SCN9A: variants seen among roughly 807,000 people sequenced by gnomAD.
The protein encoded by SCN9A is sodium voltage-gated channel alpha subunit 9.
In SCN9A, 131 loss-of-function variants were observed where a neutral mutation model predicts 187.0. That is an observed-to-expected ratio of 0.70 (90% confidence interval 0.61 to 0.81). The LOEUF (loss-of-function observed/expected upper bound fraction) is 0.81, where lower values mean the gene tolerates loss of function less well. Ranked by LOEUF, SCN9A falls within the 30% of genes least tolerant of loss-of-function variation. The probability of loss-of-function intolerance (pLI) is 0.00; values close to 1 mark genes in which losing one functional copy is unlikely to be tolerated. For missense variants in SCN9A, 2,252 were observed against 2,396.6 expected (o/e 0.94, Z 1.26); for synonymous variants, 809 against 808.6 (o/e 1.00, Z -0.01).
At chr2:166,345,469 G>A (rs948855335) in intron 1 of SCN9A, among the ~76,000 whole-genome samples, 6 of 151,802 alleles carry the variant, frequency 4.0e-5, no homozygotes, top group African/African-American at 4.8e-5. Context: ...GCTTATATCC[G>A]CCTCTTTTGA....
intron 1 of SCN9A, among the ~76,000 whole-genome samples, chr2:166,325,212 GC>G (rs1205193926): frequency 1.3e-5 from 2 of 152,026 alleles, no homozygotes; most frequent in Non-Finnish European, 2.9e-5. Flanking sequence ...TCAGGTAAAT[GC>G]ATTGCCATTA....
intron 24 of SCN9A, among the ~76,000 whole-genome samples, chr2:166,221,000 C>T (rs1028855959): frequency 1.3e-5 from 2 of 152,010 alleles, no homozygotes; most frequent in Non-Finnish European, 2.9e-5. Context: ...AAATCACCTG[C>T]GTTTCTATAC....
intron 1 of SCN9A, among the ~76,000 whole-genome samples, chr2:166,334,855 C>T (rs1699590215): frequency 6.6e-6 from 1 of 152,110 alleles, no homozygotes; most frequent in Non-Finnish European, 1.5e-5. Flanking sequence ...GTATGATATA[C>T]AAAGTGGAAG....
Position 166,334,192 on chromosome 2 carries a change from G to A in SCN9A, c.-50-22386C>T, listed in dbSNP as rs75608447. 9.2e-3 allele frequency among the ~76,000 whole-genome samples: 1,401 copies of A among 152,194 alleles called. 32 individuals carry two copies. Among genetic ancestry groups the A allele is most frequent in the African/African-American group, 0.031 (1,272 of 41,562 alleles). On this transcript the variant is annotated intron_variant, in intron 1 of 26. Transcript: ENST00000642356. Reference sequence around the variant, plus strand: ...CAACTGCATCTATTAAAGAGAGCCAGTGAATTTTAAAATGTGAAAGAACTG... The same window carrying A: ...CAACTGCATCTATTAAAGAGAGCCAATGAATTTTAAAATGTGAAAGAACTG...
At position 166,284,635 on chromosome 2, in the gene SCN9A, G is replaced by A. The variant is rs200065703; in HGVS notation, c.1792C>T (p.Arg598Cys). ...LFVPHRPQER[R>C]SSNISQASRS... ...CTGGCTTGGCTGATGTTACTGCTGC[G>A]TCGCTCCTGGGGTCTGTGGGGCACA... Residue 598 changes from arginine (R) to cysteine (C), a missense_variant, in exon 12 of 27, where the codon CGC becomes TGC. Arg to Cys is a radical substitution (Grantham distance 180). Coordinates refer to ENST00000642356, the MANE Select transcript of SCN9A (RefSeq NM_001365536.1). 2.0e-5 allele frequency: 32 copies of A among 1,613,868 alleles called. 1 individual carries two copies. Among genetic ancestry groups the A allele is most frequent in the Non-Finnish European group, 2.4e-5 (28 of 1,179,886 alleles).
rs1698974962 is a variant in SCN9A at position 166,311,898 on chromosome 2, GTTTCAACTACA to G, written c.-50-103_-50-93del. 1.8e-5 allele frequency: 12 copies of G among 684,328 alleles called. No individual in the cohort carries two copies. The South Asian group carries it at 3.6e-4, about 20-fold the overall frequency. 42.4% of individuals were successfully genotyped at this position (684,328 alleles called of 1,614,324 possible). The stretch of plus-strand genomic sequence containing the variant: ...TAATAACAACATAAACAGATTTTTA[GTTTCAACTACA>G]AAAGGTAACATGTTCTAGAATTATC... On this transcript the variant is annotated intron_variant, in intron 1 of 26. Transcript: ENST00000642356.
At position 166,278,179 on chromosome 2, in the gene SCN9A, T is replaced by G; in HGVS notation, c.2478A>C (p.Ala826=). Residue 826 remains alanine (A), a synonymous_variant, in exon 15 of 27, where the codon GCA becomes GCC. Coordinates refer to ENST00000642356, the MANE Select transcript of SCN9A (RefSeq NM_001365536.1). ...VTLSLVELFL[A]DVEGLSVLRS... Reference sequence around the variant, plus strand: ...GCAGAACTGACAATCCTTCCACATCTGCTAGAAAGAGCTCCACTAAACTTA... The same window carrying G: ...GCAGAACTGACAATCCTTCCACATCGGCTAGAAAGAGCTCCACTAAACTTA... The G allele has an allele frequency of 1.9e-6, 3 of 1,613,214 alleles. No individual in the cohort carries two copies. The South Asian group carries it at 3.3e-5, about 18-fold the overall frequency.
chr2:166,270,687 C>A (rs4358134), intron 17 of SCN9A, among the ~76,000 whole-genome samples: 31,543 of 150,290 alleles, frequency 0.21, 3,658 homozygotes, highest in Admixed American at 0.36. Context: ...TGCAGCGGTG[C>A]GATCTTGGCT....
rs1379682478 is a variant in SCN9A at position 166,197,590 on chromosome 2, A to T, written c.*1082T>A. The T allele has an allele frequency of 6.6e-6, 1 of 152,188 alleles. No individual in the cohort carries two copies. Among genetic ancestry groups the T allele is most frequent in the Non-Finnish European group, 1.5e-5 (1 of 68,000 alleles). The allele number at this position is 152,188 out of a possible 1,614,324, so 9.4% of individuals were successfully genotyped here. A position where few individuals can be genotyped will look rare whatever the true frequency, so the allele number is the denominator to read the frequency against. ...TATTACATGATTTGAAAGCTTGCCA[A>T]ACACGGGATTGTATACAAGTGATGC... On this transcript the variant is annotated 3_prime_UTR_variant, in exon 27 of 27. Transcript: ENST00000642356.
intron 17 of SCN9A, among the ~76,000 whole-genome samples, chr2:166,269,840 A>T (rs1168766627): frequency 6.6e-6 from 1 of 152,098 alleles, no homozygotes; most frequent in Non-Finnish European, 1.5e-5. Context: ...GACTTTCCCC[A>T]GCTCCTGAAG....
intron 1 of SCN9A, chr2:166,321,357 G>A (rs4455168): frequency 0.69 from 104,193 of 151,722 alleles, 37,120 homozygotes; most frequent in African/African-American, 0.88. Flanking sequence ...CTGTCTCTAG[G>A]AAAAGTACAA....
chr2:166,249,748 C>A (rs2106422683), intron 18 of SCN9A, among the ~76,000 whole-genome samples: 1 of 152,198 alleles, frequency 6.6e-6, no homozygotes, highest in South Asian at 2.1e-4. Context: ...TCTGAAATAG[C>A]ATAGTATTAA....
intron 1 of SCN9A, among the ~76,000 whole-genome samples, chr2:166,362,122 G>C (rs1365436751): frequency 6.6e-6 from 1 of 152,064 alleles, no homozygotes; most frequent in African/African-American, 2.4e-5. Context: ...ATCTATATTA[G>C]CAAAGGAAGG....
At chr2:166,242,088 GT>G (rs1377855704) in intron 19 of SCN9A, among the ~76,000 whole-genome samples, 4 of 152,106 alleles carry the variant, frequency 2.6e-5, no homozygotes, top group Non-Finnish European at 4.4e-5. Context: ...GAGCTTACCA[GT>G]TCCCCAGATC....
chr2:166,363,765 A>G (rs1160031117), intron 1 of SCN9A, among the ~76,000 whole-genome samples: 2 of 152,054 alleles, frequency 1.3e-5, no homozygotes, highest in African/African-American at 4.8e-5. Context: ...TATCATAGGG[A>G]AAAATCTTCG....
intron 1 of SCN9A, among the ~76,000 whole-genome samples, chr2:166,358,366 G>A (rs975874024): frequency 2.6e-4 from 39 of 151,954 alleles, no homozygotes; most frequent in African/African-American, 6.3e-4. Flanking sequence ...CACCACACCC[G>A]GCCGAAAACT....
At chr2:166,269,261 G>A (rs951316062) in intron 17 of SCN9A, among the ~76,000 whole-genome samples, 3 of 151,862 alleles carry the variant, frequency 2.0e-5, no homozygotes, top group Non-Finnish European at 2.9e-5. Flanking sequence ...TTTTATGAAT[G>A]GTTAAAATAA....
rs138736567 is a variant in SCN9A at position 166,226,498 on chromosome 2, T to C, written c.4398+69A>G. 617 of 1,116,966 alleles carry C rather than the reference T, an allele frequency of 5.5e-4. 1 individual carries two copies. The Middle Eastern group carries it at 0.013, about 23-fold the overall frequency. 69.2% of individuals were successfully genotyped at this position (1,116,966 alleles called of 1,614,324 possible). A position where few individuals can be genotyped will look rare whatever the true frequency, so the allele number is the denominator to read the frequency against. Reference sequence around the variant, plus strand: ...CATGAATTGATATCAAATTAAACTTTACATTATCTTTTTTGGAAAATAATT... The same window carrying C: ...CATGAATTGATATCAAATTAAACTTCACATTATCTTTTTTGGAAAATAATT... On this transcript the variant is annotated intron_variant, in intron 24 of 26. Coordinates refer to ENST00000642356, the MANE Select transcript of SCN9A (RefSeq NM_001365536.1).
At chr2:166,251,350 AG>A (rs761433985) in intron 18 of SCN9A, among the ~76,000 whole-genome samples, 2 of 152,112 alleles carry the variant, frequency 1.3e-5, no homozygotes, top group Non-Finnish European at 2.9e-5. Context: ...AACTAAGGAA[AG>A]GAAGAATTTT....
Sources: allele counts gnomAD v4.1 joint callset (sites outside exome capture counted in the v4.1 genomes callset), GRCh38; gene constraint gnomAD v4.1.1; transcripts MANE v1.5; gene names NCBI Gene and HGNC (gene_info 2026-07-23, HGNC 2026-07-21).